The following KIAA1217 variants were observed in gnomAD, a reference collection of about 807,000 sequenced individuals.
KIAA1217 encodes sickle tail protein homolog.
A neutral mutation model predicts 163.9 loss-of-function variants in KIAA1217; 88 were observed. The ratio of observed to expected loss-of-function variants is 0.54; its 90% CI spans 0.45 to 0.64. KIAA1217 has a LOEUF of 0.64. Ranked by LOEUF, KIAA1217 falls within the 30% of genes least tolerant of loss-of-function variation. KIAA1217 has a pLI of 0.00. For synonymous variants in KIAA1217, 903 were observed against 923.1 expected, an observed-to-expected ratio of 0.98 and a Z score of 0.39; for missense variants, 2,372 against 2,475.0, an observed-to-expected ratio of 0.96 and a Z score of 0.88.
At chr10:23,730,525 C>T (rs1315168383) in intron 1 of KIAA1217, among the ~76,000 whole-genome samples, 3 of 152,020 alleles carry the variant, frequency 2.0e-5, no homozygotes, top group Admixed American at 6.6e-5. Flanking sequence ...TTCATATCTA[C>T]AAAATAATTT....
chr10:23,809,423 T>C, intron 1 of KIAA1217, among the ~76,000 whole-genome samples: 1 of 151,820 alleles, frequency 6.6e-6, no homozygotes, highest in East Asian at 1.9e-4. Context: ...GTGGAATGTA[T>C]AATTTGGGAG....
At chr10:23,972,766 A>G (rs908066070) in intron 1 of KIAA1217, among the ~76,000 whole-genome samples, 5 of 152,124 alleles carry the variant, frequency 3.3e-5, no homozygotes, top group African/African-American at 9.7e-5. Flanking sequence ...ACCATGGAAT[A>G]CTATGTAGCC....
At chr10:24,397,553 A>G (rs2055967733) in intron 3 of KIAA1217, among the ~76,000 whole-genome samples, 1 of 152,180 alleles carries the variant, frequency 6.6e-6, no homozygotes, top group African/African-American at 2.4e-5. Context: ...TAACCACTAC[A>G]ATGTACGAAA....
chr10:23,766,778 G>A (rs971064806), intron 1 of KIAA1217, among the ~76,000 whole-genome samples: 2 of 151,786 alleles, frequency 1.3e-5, no homozygotes, highest in Non-Finnish European at 2.9e-5. Context: ...TAGCGGAGAC[G>A]GGGTTTCACC....
In KIAA1217 at chr10:23,903,395, C is replaced by T. The variant is rs1842029031; in HGVS notation, c.-320-103830C>T. Among the ~76,000 whole-genome samples, 5 of 152,114 alleles carry T rather than the reference C, an allele frequency of 3.3e-5. No individual in the cohort carries two copies. In the South Asian group the frequency reaches 1.0e-3, roughly 32 times the overall value. ...AAAGACAAATTAACAACAGAAAAGC[C>T]CATCATACCTATTTAACCAAAGTCT... On this transcript the variant is annotated intron_variant, in intron 1 of 18. Transcript: ENST00000376462.
intron 6 of KIAA1217, chr10:24,481,180 G>T (rs2064638268): frequency 6.6e-6 from 1 of 152,150 alleles, no homozygotes; most frequent in African/African-American, 2.4e-5. Flanking sequence ...TGCATACAAA[G>T]AAACTGAGAT....
intron 2 of KIAA1217, among the ~76,000 whole-genome samples, chr10:24,035,549 T>G (rs537191330): frequency 3.9e-5 from 6 of 152,190 alleles, no homozygotes; most frequent in Non-Finnish European, 8.8e-5. Context: ...CTCTCCAGCT[T>G]CTGAGGCAGA....
intron 2 of KIAA1217, among the ~76,000 whole-genome samples, chr10:24,085,142 C>T (rs1344974539): frequency 6.6e-6 from 1 of 152,092 alleles, no homozygotes; most frequent in East Asian, 1.9e-4. Flanking sequence ...TCTCGATCTC[C>T]TGACCGCGTG....
intron 1 of KIAA1217, among the ~76,000 whole-genome samples, chr10:23,758,521 A>G (rs1451806457): frequency 6.6e-6 from 1 of 152,000 alleles, no homozygotes; most frequent in African/African-American, 2.4e-5. Flanking sequence ...GAATTGTTTC[A>G]GCTAATTGGG....
At chr10:24,181,943 T>G (rs1402946937) in intron 2 of KIAA1217, among the ~76,000 whole-genome samples, 2 of 152,108 alleles carry the variant, frequency 1.3e-5, no homozygotes, top group African/African-American at 2.4e-5. Context: ...CCTGTTCTTT[T>G]TCATATTTCC....
intron 2 of KIAA1217, among the ~76,000 whole-genome samples, chr10:24,353,682 G>T (rs2048734535): frequency 6.6e-6 from 1 of 152,094 alleles, no homozygotes; most frequent in Non-Finnish European, 1.5e-5. Flanking sequence ...GGCTGTTTGT[G>T]TACTCAGAGA....
Position 24,521,767 on chromosome 10 carries a change from G to T in KIAA1217, c.2309-15G>T. ...CTTTTTCTCCTCCAATTCACCTGCTGGTTTGGGCCTGCAGGAGAATTTCCA... is the reference window on the plus strand; with the variant it reads ...CTTTTTCTCCTCCAATTCACCTGCTTGTTTGGGCCTGCAGGAGAATTTCCA... On this transcript the variant is annotated splice_polypyrimidine_tract_variant and intron_variant, in intron 11 of 20. Transcript: ENST00000376454. The T allele has an allele frequency of 1.2e-6, 2 of 1,607,704 alleles. No individual in the cohort carries two copies. Among genetic ancestry groups the T allele is most frequent in the South Asian group, 2.2e-5 (2 of 91,010 alleles).
At chr10:24,291,246 C>A in intron 2 of KIAA1217, among the ~76,000 whole-genome samples, 1 of 152,068 alleles carries the variant, frequency 6.6e-6, no homozygotes, top group East Asian at 1.9e-4. Flanking sequence ...TTCACTCAAT[C>A]GGCTGGGCAT....
At chr10:23,921,114 T>C (rs1842834287) in intron 1 of KIAA1217, among the ~76,000 whole-genome samples, 1 of 152,208 alleles carries the variant, frequency 6.6e-6, no homozygotes, top group Admixed American at 6.5e-5. Flanking sequence ...AATGGACTAA[T>C]ACACAGCTTA....
intron 2 of KIAA1217, among the ~76,000 whole-genome samples, chr10:24,176,211 G>C (rs1252678791): frequency 1.3e-5 from 2 of 152,144 alleles, no homozygotes; most frequent in Admixed American, 1.3e-4. Context: ...CAATCCTCTA[G>C]CTAGACATAA....
chr10:23,704,160 G>A lies in KIAA1217; in HGVS notation c.-321+8926G>A, dbSNP rs1468861497. Reference sequence around the variant, plus strand: ...TGTGTGTGTGTATGTGTGTGTGTGTGTGTGTGTGTGTGTATATATATATAT... The same window carrying A: ...TGTGTGTGTGTATGTGTGTGTGTGTATGTGTGTGTGTGTATATATATATAT... On this transcript the variant is annotated intron_variant, in intron 1 of 18. Transcript: ENST00000376462. 6.4e-5 allele frequency among the ~76,000 whole-genome samples: 5 copies of A among 77,530 alleles called. 2 individuals are homozygous for A. In the East Asian group the frequency reaches 1.9e-3, roughly 29 times the overall value. 50.9% of individuals were successfully genotyped at this position (77,530 alleles called of 152,430 possible). A position where few individuals can be genotyped will look rare whatever the true frequency, so the allele number is the denominator to read the frequency against.
intron 1 of KIAA1217, among the ~76,000 whole-genome samples, chr10:23,747,354 G>A (rs974168426): frequency 6.6e-6 from 1 of 152,140 alleles, no homozygotes; most frequent in Non-Finnish European, 1.5e-5. Flanking sequence ...TTTGTTTCCT[G>A]GGCTTCGGAT....
intron 1 of KIAA1217, among the ~76,000 whole-genome samples, chr10:23,820,768 G>A (rs1826918457): frequency 6.6e-6 from 1 of 152,180 alleles, no homozygotes; most frequent in African/African-American, 2.4e-5. Flanking sequence ...TTTCTTATTA[G>A]CATGAAATAC....
At chr10:24,419,853 G>A (rs542417026) in intron 3 of KIAA1217, among the ~76,000 whole-genome samples, 2 of 152,130 alleles carry the variant, frequency 1.3e-5, no homozygotes, top group East Asian at 3.9e-4. Flanking sequence ...TACTTAAATA[G>A]GATCATACTG....
Sources: gnomAD v4.1 joint callset for allele counts (sites outside exome capture counted in the v4.1 genomes callset) on GRCh38, gnomAD v4.1.1 for gene constraint, MANE v1.5 for transcripts, NCBI Gene and HGNC (gene_info 2026-07-23, HGNC 2026-07-21) for gene names.